Variants in EXPH5 observed in about 807,000 individuals in gnomAD.
EXPH5 encodes the protein exophilin-5.
EXPH5 carries 42 observed loss-of-function variants against 41.1 expected under a neutral mutation model. That is an observed-to-expected ratio of 1.02 (90% CI 0.80 to 1.32). The LOEUF is 1.32. Among genes scored for constraint, EXPH5 ranks in the 40% most tolerant of loss-of-function variants. The probability of loss-of-function intolerance (pLI) is 0.00; values close to 1 mark genes in which losing one functional copy is unlikely to be tolerated. For missense variants in EXPH5, 2,298 were observed against 2,314.5 expected (o/e 0.99, Z 0.15); for synonymous variants, 798 against 833.5 (o/e 0.96, Z 0.73).
At chr11:108,532,367 T>TATATATATATATATATATATATATA (rs61454000) in intron 3 of EXPH5, among the ~76,000 whole-genome samples, 1 of 20,370 alleles carries the variant, frequency 4.9e-5, no homozygotes, top group Non-Finnish European at 7.5e-5. Context: ...TATATATATA[T>TATATATATATATATATATATATATA]TTTTTTTTTT....
At chr11:108,606,468 CT>C in the EXPH5 span, among the ~76,000 whole-genome samples, 3 of 152,224 alleles carry the variant, frequency 2.0e-5, no homozygotes, top group Non-Finnish European at 4.4e-5. Flanking sequence ...ACCTGCCTTA[CT>C]TTTCCAAAAG....
chr11:108,572,592 CTT>C lies in EXPH5; in HGVS notation c.119+20824_119+20825del, dbSNP rs375412784. Among the ~76,000 whole-genome samples the C allele has an allele frequency of 8.1e-3, 1,240 of 152,298 alleles. 16 individuals carry two copies. Among genetic ancestry groups the C allele is most frequent in the African/African-American group, 0.028 (1,163 of 41,570 alleles). On this transcript the variant is annotated intron_variant, in intron 1 of 5. Coordinates refer to ENST00000265843, the MANE Select transcript of EXPH5 (RefSeq NM_015065.3). Reference sequence around the variant, plus strand: ...ATTTATTTTGAGACAGAGTTTTCCTCTTGTTGCCCAAGCTGCAGTGCAATGGC... The same window carrying C: ...ATTTATTTTGAGACAGAGTTTTCCTCGTTGCCCAAGCTGCAGTGCAATGGC...
At chr11:108,586,175 C>T (rs559689081) in intron 1 of EXPH5, among the ~76,000 whole-genome samples, 24 of 152,046 alleles carry the variant, frequency 1.6e-4, no homozygotes, top group African/African-American at 4.8e-4. Context: ...GCCAACATGG[C>T]GAAACCTCAA....
At chr11:108,518,160 T>A (rs906966899) in intron 5 of EXPH5, 75 bp downstream of exon 5, 2 of 1,370,868 alleles carry the variant, frequency 1.5e-6, no homozygotes, top group Non-Finnish European at 2.0e-6. Flanking sequence ...TTTTGAGTAG[T>A]TTGATACAAA....
the EXPH5 span, among the ~76,000 whole-genome samples, chr11:108,599,708 A>G: frequency 6.6e-6 from 1 of 152,336 alleles, no homozygotes; most frequent in East Asian, 1.9e-4. Context: ...TCTGTTTAGA[A>G]GAAGTGCCCT....
At chr11:108,577,322 G>A (rs1214774822) in intron 1 of EXPH5, among the ~76,000 whole-genome samples, 2 of 152,146 alleles carry the variant, frequency 1.3e-5, no homozygotes, top group Non-Finnish European at 2.9e-5. Flanking sequence ...CCTCCAAACT[G>A]TTATCCATAG....
rs2093684423 is a variant in EXPH5 at position 108,511,827 on chromosome 11, T to A, written c.3680A>T (p.His1227Leu). 2 of 1,595,816 alleles carry A rather than the reference T, an allele frequency of 1.3e-6. No homozygotes were observed. The highest frequency in any genetic ancestry group is 1.7e-4 in the Middle Eastern group (1 of 5,928). The change falls in exon 6 of 6, where the codon CAT (histidine) becomes CTT (leucine). Residue 1227 changes from histidine to leucine, a missense_variant. His to Leu is a moderately conservative substitution (Grantham distance 99). Coordinates refer to ENST00000265843, the MANE Select transcript of EXPH5 (RefSeq NM_015065.3). ...AAACGTACTAGTCGTCTTAACTTTA[T>A]GTAATGTTTTCCCACGTTCTTTTCC... ...LSGKERGKTL[H>L]KVKTTSTFSV...
chr11:108,560,931 G>C (rs2640757), intron 1 of EXPH5, among the ~76,000 whole-genome samples: 101,299 of 152,076 alleles, frequency 0.67, 34,893 homozygotes, highest in East Asian at 0.77. Flanking sequence ...TAAAGTTTGT[G>C]ATCATTCCCT....
intron 1 of EXPH5, among the ~76,000 whole-genome samples, chr11:108,577,725 A>G (rs544268691): frequency 6.6e-5 from 10 of 152,214 alleles, no homozygotes; most frequent in African/African-American, 2.4e-4. Context: ...GCCTGGCCAG[A>G]TAATAGCCAT....
At chr11:108,583,307 G>A (rs1012275331) in intron 1 of EXPH5, among the ~76,000 whole-genome samples, 1 of 151,690 alleles carries the variant, frequency 6.6e-6, no homozygotes, top group African/African-American at 2.4e-5. Context: ...GCGTGAACCC[G>A]AGTGCAGTGA....
At position 108,539,050 on chromosome 11, in the gene EXPH5, T is replaced by G; in HGVS notation, c.417A>C (p.Ser139=). 6.2e-7 allele frequency: 1 copy of G among 1,603,424 alleles called. No homozygotes were observed. Among genetic ancestry groups the G allele is most frequent in the Non-Finnish European group, 8.5e-7 (1 of 1,174,114 alleles). Residue 139 remains serine, a synonymous_variant, in exon 3 of 6, where the codon TCA becomes TCC. Transcript: ENST00000265843. ...FSFRKSGKET[S]KLPSLGQKGC... ...CTTTCTGTCCCAGTGATGGAAGCTT[T>G]GAAGTCTCCTTTCCAGATTTCCTGA... is the stretch of plus-strand genomic sequence containing the variant.
chr11:108,541,614 CAAAG>C (rs1393865068), intron 2 of EXPH5, 34 bp downstream of exon 2: 1 of 1,451,886 alleles, frequency 6.9e-7, no homozygotes, highest in African/African-American at 1.4e-5. Flanking sequence ...GCCACAGAAA[CAAAG>C]AAATCAACTT....
At position 108,527,043 on chromosome 11, in the gene EXPH5, G is replaced by C. The variant is rs142597581; in HGVS notation, c.492+1093C>G. On this transcript the variant is annotated intron_variant, in intron 4 of 5. Coordinates refer to ENST00000265843, the MANE Select transcript of EXPH5 (RefSeq NM_015065.3). ...TGTAAAGAACCTCTGTTTCCAGTTGGGCATGGTGACTCACGCCTGTAATCC... is the reference window on the plus strand; with the variant it reads ...TGTAAAGAACCTCTGTTTCCAGTTGCGCATGGTGACTCACGCCTGTAATCC... Among the ~76,000 whole-genome samples the C allele has an allele frequency of 3.5e-3, 534 of 152,194 alleles. 1 individual carries two copies. The highest frequency in any genetic ancestry group is 0.012 in the African/African-American group (504 of 41,522).
rs1399848584 is a variant in EXPH5 at position 108,510,526 on chromosome 11, C to T, written c.4981G>A (p.Glu1661Lys). ...GATTTCTTCACATGCTTTCCGTTCT[C>T]ACTCAACCTGCTTTCGCCAATGGAC... ...AESIGESRLS[E>K]NGKHVKKSEN... is the part of the protein sequence containing the mutation. The change falls in exon 6 of 6, where the codon GAG becomes AAG. Residue 1661 changes from glutamate to lysine, a missense_variant. Glu to Lys is a moderately conservative substitution (Grantham distance 56, BLOSUM62 1). Coordinates refer to ENST00000265843, the MANE Select transcript of EXPH5 (RefSeq NM_015065.3). The T allele has an allele frequency of 6.2e-7, 1 of 1,614,162 alleles. No individual in the cohort carries two copies.
rs1230361172 is a variant in EXPH5 at position 108,514,616 on chromosome 11, C to T, written c.891G>A (p.Met297Ile). The T allele has an allele frequency of 6.2e-7, 1 of 1,611,500 alleles. No individual in the cohort carries two copies. The highest frequency in any genetic ancestry group is 1.7e-5 in the Admixed American group (1 of 59,450). Residue 297 changes from methionine to isoleucine, a missense_variant, in exon 6 of 6, where the codon ATG (methionine) becomes ATA (isoleucine). Transcript: ENST00000265843. Reference protein sequence around the residue: ...FSPRTSTIYDMYRTREPRVFK... With the variant: ...FSPRTSTIYDIYRTREPRVFK... ...AGACTCTGGGCTCCCTTGTCCTATACATATCATAAATTGTGCTTGTCCTAG... is the reference window on the plus strand; with the variant it reads ...AGACTCTGGGCTCCCTTGTCCTATATATATCATAAATTGTGCTTGTCCTAG...
At chr11:108,534,241 A>G (rs1591705597) in intron 3 of EXPH5, among the ~76,000 whole-genome samples, 1 of 152,252 alleles carries the variant, frequency 6.6e-6, no homozygotes, top group South Asian at 2.1e-4. Flanking sequence ...ATGTACACAC[A>G]TGGAAATATG....
the EXPH5 span, among the ~76,000 whole-genome samples, chr11:108,599,335 T>C: frequency 6.6e-6 from 1 of 152,220 alleles, no homozygotes; most frequent in African/African-American, 2.4e-5. Flanking sequence ...TTTCCATATT[T>C]TAATATCATT....
chr11:108,546,670 A>G (rs1355784839), intron 1 of EXPH5, among the ~76,000 whole-genome samples: 1 of 152,210 alleles, frequency 6.6e-6, no homozygotes, highest in Admixed American at 6.5e-5. Flanking sequence ...CAGAGCAATC[A>G]TTAAGTATTT....
chr11:108,516,651 G>A (rs996797671), intron 5 of EXPH5, among the ~76,000 whole-genome samples: 1 of 151,878 alleles, frequency 6.6e-6, no homozygotes. Flanking sequence ...GATGCTAAAG[G>A]GATTTAAAAA....
Sources: gnomAD v4.1 joint callset for allele counts (sites outside exome capture counted in the v4.1 genomes callset) on GRCh38, gnomAD v4.1.1 for gene constraint, MANE v1.5 for transcripts, NCBI Gene and HGNC (gene_info 2026-07-23, HGNC 2026-07-21) for gene names.